Variants in SGCZ observed in about 807,000 individuals in gnomAD.
SGCZ encodes the protein sarcoglycan zeta.
Under a neutral mutation model 41.3 loss-of-function variants are expected in SGCZ, and 40 were observed. The ratio of observed to expected loss-of-function variants is 0.97; its 90% confidence interval spans 0.75 to 1.26. The LOEUF (loss-of-function observed/expected upper bound fraction) is 1.26, where lower values mean the gene tolerates loss of function less well. SGCZ is among the 50% of genes most tolerant of loss of function. The pLI, the probability that SGCZ is intolerant of heterozygous loss-of-function variation, is 0.00. For missense variants in SGCZ, 552 were observed against 369.8 expected (o/e 1.49, Z -4.04); for synonymous variants, 206 against 137.5 (o/e 1.50, Z -3.49).
At chr8:14,340,387 G>A (rs564981780) in intron 2 of SGCZ, among the ~76,000 whole-genome samples, 1 of 152,114 alleles carries the variant, frequency 6.6e-6, no homozygotes, top group African/African-American at 2.4e-5. Flanking sequence ...CCCTTAATGT[G>A]TCCTGTTCCA....
chr8:14,136,396 C>A (rs1803199537), intron 5 of SGCZ, among the ~76,000 whole-genome samples: 1 of 152,144 alleles, frequency 6.6e-6, no homozygotes, highest in Admixed American at 6.5e-5. Context: ...CCTTTCCTAG[C>A]CAAGGGAAGC....
At chr8:15,099,019 C>T (rs1806498211) in intron 1 of SGCZ, among the ~76,000 whole-genome samples, 1 of 152,244 alleles carries the variant, frequency 6.6e-6, no homozygotes, top group Non-Finnish European at 1.5e-5. Context: ...GATCCCACCA[C>T]TGTACTCCAG....
intron 4 of SGCZ, among the ~76,000 whole-genome samples, chr8:14,235,291 TAA>T (rs758442682): frequency 3.9e-5 from 6 of 152,164 alleles, no homozygotes; most frequent in Non-Finnish European, 7.3e-5. Flanking sequence ...CAAAAATACA[TAA>T]GTCATCAAAA....
rs1799065726 is a variant in SGCZ, at chr8:15,147,434, A to G, written c.39+90151T>C. ...ACTGGGATTACAGGCATGCACCACC[A>G]TGCCCGGCTAATTTTGTATTTTTAG... On this transcript the variant is annotated intron_variant, in intron 1 of 7. Coordinates refer to ENST00000382080, the MANE Select transcript of SGCZ (RefSeq NM_139167.4). 2.6e-5 allele frequency among the ~76,000 whole-genome samples: 4 copies of G among 152,100 alleles called. No homozygotes were observed. The South Asian group carries it at 8.3e-4, about 32-fold the overall frequency.
intron 1 of SGCZ, among the ~76,000 whole-genome samples, chr8:14,669,728 ACAC>A: frequency 7.1e-6 from 1 of 140,958 alleles, no homozygotes; most frequent in South Asian, 2.2e-4. Context: ...ACACACACAC[ACAC>A]AATATTTTGT....
chr8:14,136,405 G>A (rs1803199827), intron 5 of SGCZ, among the ~76,000 whole-genome samples: 1 of 152,156 alleles, frequency 6.6e-6, no homozygotes, highest in Non-Finnish European at 1.5e-5. Flanking sequence ...GCCAAGGGAA[G>A]CAGTGACAGA....
chr8:14,129,206 T>C (rs1802958125), intron 5 of SGCZ, among the ~76,000 whole-genome samples: 1 of 150,658 alleles, frequency 6.6e-6, no homozygotes, highest in Non-Finnish European at 1.5e-5. Context: ...AAAAGCTGGG[T>C]GTGGTGGCAG....
intron 2 of SGCZ, among the ~76,000 whole-genome samples, chr8:14,330,253 C>T (rs377676742): frequency 4.0e-5 from 6 of 151,874 alleles, no homozygotes; most frequent in South Asian, 2.1e-4. Context: ...TTACATAATC[C>T]TTCCAACAGT....
chr8:14,166,461 A>G (rs1036868450), intron 4 of SGCZ, among the ~76,000 whole-genome samples: 10 of 152,288 alleles, frequency 6.6e-5, no homozygotes, highest in East Asian at 3.9e-4. Context: ...CCAGAGGCCA[A>G]TGTGTTAATA....
rs548019630 is a variant in SGCZ, at chr8:14,807,056, A to G, written c.40-252130T>C. Reference sequence around the variant, plus strand: ...ACGCTTCAGGCTAAAAACTCAATAAATTAGGTATTGATGGGACATATTTCA... The same window carrying G: ...ACGCTTCAGGCTAAAAACTCAATAAGTTAGGTATTGATGGGACATATTTCA... On this transcript the variant is annotated intron_variant, in intron 1 of 7. Coordinates refer to ENST00000382080, the MANE Select transcript of SGCZ (RefSeq NM_139167.4). 1.4e-4 allele frequency among the ~76,000 whole-genome samples: 22 copies of G among 152,294 alleles called. No homozygotes were observed. The East Asian group carries it at 4.3e-3, about 29-fold the overall frequency.
intron 2 of SGCZ, among the ~76,000 whole-genome samples, chr8:14,463,630 C>A (rs561950041): frequency 6.6e-6 from 1 of 151,648 alleles, no homozygotes; most frequent in East Asian, 1.9e-4. Context: ...CAAAACAAAA[C>A]ACAGACAAAC....
intron 1 of SGCZ, among the ~76,000 whole-genome samples, chr8:14,891,414 G>A (rs1366180924): frequency 6.6e-6 from 1 of 152,178 alleles, no homozygotes; most frequent in Admixed American, 6.5e-5. Flanking sequence ...TGCAGAGGAG[G>A]TAGAAAATGC....
At chr8:14,396,233 T>C (rs1798916307) in intron 2 of SGCZ, among the ~76,000 whole-genome samples, 1 of 152,204 alleles carries the variant, frequency 6.6e-6, no homozygotes, top group Admixed American at 6.5e-5. Flanking sequence ...CTACGCAATA[T>C]ACTTTCAATT....
chr8:15,184,058 AT>A (rs1391078598), intron 1 of SGCZ, among the ~76,000 whole-genome samples: 2 of 152,118 alleles, frequency 1.3e-5, no homozygotes, highest in Non-Finnish European at 2.9e-5. Flanking sequence ...GAAATAATAT[AT>A]TTTTTATTTA....
intron 1 of SGCZ, among the ~76,000 whole-genome samples, chr8:15,081,153 G>T (rs1468726418): frequency 4.6e-5 from 7 of 152,224 alleles, no homozygotes; most frequent in South Asian, 2.1e-4. Flanking sequence ...CTTCTCAAAA[G>T]GTGCTTCCTA....
At chr8:14,965,780 G>A (rs1057509796) in intron 1 of SGCZ, among the ~76,000 whole-genome samples, 13 of 151,910 alleles carry the variant, frequency 8.6e-5, no homozygotes, top group East Asian at 5.8e-4. Context: ...AACAGTGAAA[G>A]AATATAAATA....
chr8:14,171,504 G>C (rs1396319953), intron 4 of SGCZ, among the ~76,000 whole-genome samples: 1 of 151,836 alleles, frequency 6.6e-6, no homozygotes, highest in Non-Finnish European at 1.5e-5. Flanking sequence ...TTCAGTACAA[G>C]TTCCACATGA....
At chr8:14,927,717 T>C (rs769970127) in intron 1 of SGCZ, among the ~76,000 whole-genome samples, 1 of 152,154 alleles carries the variant, frequency 6.6e-6, no homozygotes, top group Non-Finnish European at 1.5e-5. Context: ...CAGTAAAACA[T>C]TGAGAAAAAG....
At chr8:14,915,597 C>G (rs994206054) in intron 1 of SGCZ, among the ~76,000 whole-genome samples, 1 of 152,142 alleles carries the variant, frequency 6.6e-6, no homozygotes, top group African/African-American at 2.4e-5. Flanking sequence ...CACCGATCAA[C>G]TGGAAAGCCC....
Sources: allele counts gnomAD v4.1 joint callset (sites outside exome capture counted in the v4.1 genomes callset), GRCh38; gene constraint gnomAD v4.1.1; transcripts MANE v1.5; gene names NCBI Gene and HGNC (gene_info 2026-07-23, HGNC 2026-07-21).